The following RASA3 variants were observed in gnomAD, a reference collection of about 807,000 sequenced individuals.
The protein encoded by RASA3 is ras GTPase-activating protein 3.
In RASA3, 73 loss-of-function variants were observed where a neutral mutation model predicts 110.0. That is an observed-to-expected ratio of 0.66 (90% CI 0.55 to 0.81). The LOEUF (loss-of-function observed/expected upper bound fraction) is 0.81, where lower values mean the gene tolerates loss of function less well. RASA3 is among the 30% of genes least tolerant of loss of function. RASA3 has a pLI of 0.00. For synonymous variants in RASA3, 500 were observed against 451.4 expected, an observed-to-expected ratio of 1.11 and a Z score of -1.37; for missense variants, 976 against 1,113.2, an observed-to-expected ratio of 0.88 and a Z score of 1.75.
chr13:114,018,096 G>A lies in RASA3; in HGVS notation c.1091+8C>T. 2 of 1,523,664 alleles carry A rather than the reference G, an allele frequency of 1.3e-6. No individual in the cohort carries two copies. Among genetic ancestry groups the A allele is most frequent in the Non-Finnish European group, 8.8e-7 (1 of 1,130,046 alleles). The allele number at this position is 1,523,664 out of a possible 1,614,324, so 94.4% of individuals were successfully genotyped here. On this transcript the variant is annotated splice_region_variant and intron_variant, in intron 11 of 23. Coordinates refer to ENST00000334062, the MANE Select transcript of RASA3 (RefSeq NM_007368.4). The stretch of plus-strand genomic sequence containing the variant: ...GCCGCTCTCCCCCGGGGCAGGGTGG[G>A]CACTCACTGGGTCCGCTTCACCTCC...
At chr13:114,061,639 T>C (rs1169856550) in intron 2 of RASA3, among the ~76,000 whole-genome samples, 4 of 144,192 alleles carry the variant, frequency 2.8e-5, no homozygotes, top group African/African-American at 1.0e-4. Flanking sequence ...ATCGCACCAC[T>C]GCACTCCAGC....
chr13:114,097,775 G>A (rs938838659), intron 1 of RASA3, among the ~76,000 whole-genome samples: 3 of 152,244 alleles, frequency 2.0e-5, no homozygotes, highest in East Asian at 1.9e-4. Flanking sequence ...GGCAAGAGGC[G>A]GGAGAGAGTG....
At chr13:113,991,726 G>A (rs760630066) in intron 22 of RASA3, among the ~76,000 whole-genome samples, 6 of 152,172 alleles carry the variant, frequency 3.9e-5, no homozygotes, top group East Asian at 3.9e-4. Flanking sequence ...ATGCAGTATC[G>A]TTATCTGTGA....
chr13:114,024,212 G>A, intron 8 of RASA3, 67 bp downstream of exon 8: 2 of 1,420,220 alleles, frequency 1.4e-6, no homozygotes, highest in Non-Finnish European at 2.0e-6. Context: ...TAGTAACAAA[G>A]AACAAAAGAG....
intron 13 of RASA3, among the ~76,000 whole-genome samples, chr13:114,015,891 T>A (rs992615602): frequency 2.0e-5 from 3 of 151,658 alleles, no homozygotes; most frequent in Admixed American, 6.6e-5. Flanking sequence ...GAGCAGGGTG[T>A]GCAGGGCAGA....
intron 1 of RASA3, among the ~76,000 whole-genome samples, chr13:114,078,469 A>G (rs2079728956): frequency 6.6e-6 from 1 of 152,232 alleles, no homozygotes; most frequent in Admixed American, 6.5e-5. Flanking sequence ...ACAGCCAAAT[A>G]AGTAACAGTT....
chr13:114,075,942 CGG>C (rs1566555692), intron 1 of RASA3, among the ~76,000 whole-genome samples: 1,059 of 99,566 alleles, frequency 0.011, 4 homozygotes, highest in Middle Eastern at 0.021. Context: ...CCTCCCGTGT[CGG>C]CGCCGCGTAT....
chr13:114,091,723 C>T (rs2079891415), intron 1 of RASA3, among the ~76,000 whole-genome samples: 1 of 151,950 alleles, frequency 6.6e-6, no homozygotes, highest in Non-Finnish European at 1.5e-5. Context: ...ACTAACCTCA[C>T]TGCTTGAGTT....
At position 113,981,830 on chromosome 13, in the gene RASA3, G is replaced by A. The variant is rs544583540; in HGVS notation, c.2274C>T (p.Asp758=). 29 of 1,613,814 alleles carry A rather than the reference G, an allele frequency of 1.8e-5. No homozygotes were observed. Among genetic ancestry groups the A allele is most frequent in the South Asian group, 4.4e-5 (4 of 91,082 alleles). ...QEACGSKSVY[D]GPEQEEYSTF... is the part of the protein sequence containing the mutation. ...TCGAATACTCCTCCTGCTCCGGGCC[G>A]TCATACACAGATTTGCTCCCACAGG... The change falls in exon 23 of 24, where the codon GAC becomes GAT. Residue 758 remains aspartate (D), a synonymous_variant. Transcript: ENST00000334062.
At chr13:114,104,495 C>T (rs557405128) in intron 1 of RASA3, among the ~76,000 whole-genome samples, 3 of 152,274 alleles carry the variant, frequency 2.0e-5, no homozygotes, top group Admixed American at 6.5e-5. Context: ...AAGAACCGGC[C>T]TCTGCCTGAC....
At chr13:114,120,002 G>A (rs1594477548) in intron 1 of RASA3, among the ~76,000 whole-genome samples, 1 of 45,606 alleles carries the variant, frequency 2.2e-5, no homozygotes. Context: ...GCGTCGATCA[G>A]GGCCCCCCCT....
At chr13:114,067,583 A>T (rs2079476862) in intron 2 of RASA3, among the ~76,000 whole-genome samples, 1 of 152,178 alleles carries the variant, frequency 6.6e-6, no homozygotes, top group African/African-American at 2.4e-5. Context: ...CCCCTCCCGA[A>T]AAACTTTGGA....
chr13:114,043,751 G>C (rs937394454), intron 3 of RASA3, among the ~76,000 whole-genome samples: 8 of 152,080 alleles, frequency 5.3e-5, no homozygotes, highest in South Asian at 4.2e-4. Flanking sequence ...ACACCACGTG[G>C]ACTCCCTCCA....
At chr13:114,094,706 T>C (rs1376258497) in intron 1 of RASA3, among the ~76,000 whole-genome samples, 2 of 152,258 alleles carry the variant, frequency 1.3e-5, no homozygotes, top group Non-Finnish European at 2.9e-5. Flanking sequence ...GACATCCTTT[T>C]TTGGAGCAAG....
rs2079251607 is a variant in RASA3 at position 114,056,695 on chromosome 13, T to TA, written c.174-4541dup. 2 of 978,704 alleles carry TA rather than the reference T, an allele frequency of 2.0e-6. No homozygotes were observed. Among genetic ancestry groups the TA allele is most frequent in the African/African-American group, 3.5e-5 (2 of 56,962 alleles). The allele number at this position is 978,704 out of a possible 1,614,324, so 60.6% of individuals were successfully genotyped here. A position where few individuals can be genotyped will look rare whatever the true frequency, so the allele number is the denominator to read the frequency against. On this transcript the variant is annotated intron_variant, in intron 2 of 23. Transcript: ENST00000334062. The surrounding 1 kb of genome is among the most constrained non-coding windows in gnomAD (Gnocchi z 5.7). Reference sequence around the variant, plus strand: ...AATTGAGGTGCTTAAAATTCATAAATAAACCAGAAATCCATTCAATAAAAA... The same window carrying TA: ...AATTGAGGTGCTTAAAATTCATAAATAAAACCAGAAATCCATTCAATAAAAA...
At chr13:114,016,835 G>A (rs538867507) in intron 12 of RASA3, among the ~76,000 whole-genome samples, 31 of 152,312 alleles carry the variant, frequency 2.0e-4, no homozygotes, top group African/African-American at 6.7e-4. Flanking sequence ...GGCATCAGAG[G>A]GTCAGGTGAG....
Position 114,056,027 on chromosome 13 carries a change from C to A in RASA3, c.174-3872G>T, listed in dbSNP as rs1215124087. On this transcript the variant is annotated intron_variant, in intron 2 of 23. Transcript: ENST00000334062. This position sits in a 1 kb window ranked among gnomAD's most constrained non-coding sequence, Gnocchi z 5.7. The stretch of plus-strand genomic sequence containing the variant: ...CAGCAGCCGGCTTGTCAGGAAGCTG[C>A]AGCAGCTTCAGAGCAACCCAGGCCT... 6.6e-6 allele frequency among the ~76,000 whole-genome samples: 1 copy of A among 152,226 alleles called. No individual in the cohort carries two copies. The highest frequency in any genetic ancestry group is 2.4e-5 in the African/African-American group (1 of 41,462).
chr13:114,108,505 ATCCATCACCCCATG>A (rs1566579652), intron 1 of RASA3: 1 of 94,202 alleles, frequency 1.1e-5, no homozygotes, highest in African/African-American at 4.2e-5. Flanking sequence ...GTCACCCCGC[ATCCATCACCCCATG>A]TCCATCACCC....
chr13:114,053,428 C>T (rs2079187549), intron 2 of RASA3, among the ~76,000 whole-genome samples: 1 of 152,266 alleles, frequency 6.6e-6, no homozygotes, highest in African/African-American at 2.4e-5. Context: ...GCACGCACAG[C>T]TACCACCAAC....
Sources: gnomAD v4.1 joint callset for allele counts (sites outside exome capture counted in the v4.1 genomes callset) on GRCh38, gnomAD v4.1.1 for gene constraint, Gnocchi (gnomAD v3.1) non-coding constraint, MANE v1.5 for transcripts, NCBI Gene and HGNC (gene_info 2026-07-23, HGNC 2026-07-21) for gene names.